KIF20B: variants seen among roughly 807,000 people sequenced by gnomAD.
The protein encoded by KIF20B is kinesin family member 20B.
Under a neutral mutation model 232.5 loss-of-function variants are expected in KIF20B, and 188 were observed. The observed-to-expected ratio is 0.81, with a 90% CI of 0.72 to 0.91. KIF20B has a LOEUF of 0.91. Ranked by LOEUF, KIF20B falls within the 40% of genes least tolerant of loss-of-function variation. The pLI is 0.00. For missense variants in KIF20B, 2,154 were observed against 2,055.9 expected, an observed-to-expected ratio of 1.05 and a Z score of -0.92; for synonymous variants, 712 against 683.0, an observed-to-expected ratio of 1.04 and a Z score of -0.66.
At chr10:89,714,474 CAAA>C (rs199662992) in intron 7 of KIF20B, among the ~76,000 whole-genome samples, 1 of 146,920 alleles carries the variant, frequency 6.8e-6, no homozygotes, top group Non-Finnish European at 1.5e-5. Context: ...GAAACTGTCT[CAAA>C]AAAAAAAATT....
chr10:89,703,247 T>C (rs1391005652), intron 1 of KIF20B, among the ~76,000 whole-genome samples: 1 of 152,308 alleles, frequency 6.6e-6, no homozygotes, highest in East Asian at 1.9e-4. Flanking sequence ...ACCCATGATC[T>C]AGATCAGTGC....
chr10:89,749,888 A>C (rs1044753989), intron 23 of KIF20B, among the ~76,000 whole-genome samples: 25 of 152,310 alleles, frequency 1.6e-4, no homozygotes, highest in Admixed American at 1.6e-3. Flanking sequence ...GATGGTAAGC[A>C]AGTGTTGAAT....
rs1841852734 is a variant in KIF20B, at chr10:89,743,711, T to G, written c.3916-97T>G. ...CATTTTTCTTTTAGGCTGTAAAGGA[T>G]GTGAATCTTTGAACATAGTTGCCAT... On this transcript the variant is annotated intron_variant, in intron 21 of 32. Coordinates refer to ENST00000371728, the MANE Select transcript of KIF20B (RefSeq NM_001284259.2). 6.7e-6 allele frequency: 5 copies of G among 748,106 alleles called. No individual in the cohort carries two copies. The South Asian group carries it at 1.2e-4, about 19-fold the overall frequency. 46.3% of individuals were successfully genotyped at this position (748,106 alleles called of 1,614,324 possible). A position where few individuals can be genotyped will look rare whatever the true frequency, so the allele number is the denominator to read the frequency against.
chr10:89,738,256 A>C lies in KIF20B; in HGVS notation c.3415A>C (p.Ile1139Leu). 1 of 1,609,618 alleles carries C rather than the reference A, an allele frequency of 6.2e-7. No homozygotes were observed. Among genetic ancestry groups the C allele is most frequent in the Non-Finnish European group, 8.5e-7 (1 of 1,178,738 alleles). Reference sequence around the variant, plus strand: ...AAAAAATGTTACTCTTGATGTTCAAATACAGCATGTAGTTGAAGGAAAGAG... The same window carrying C: ...AAAAAATGTTACTCTTGATGTTCAACTACAGCATGTAGTTGAAGGAAAGAG... ...QEKNVTLDVQ[I>L]QHVVEGKRAL... Residue 1139 changes from isoleucine to leucine, a missense_variant, in exon 20 of 33, where the codon ATA becomes CTA. By Grantham distance (5) the Ile-to-Leu change is conservative. Transcript: ENST00000371728.
At chr10:89,711,196 A>G (rs10881632) in intron 6 of KIF20B, 51 bp downstream of exon 6, 238,047 of 1,138,328 alleles carry the variant, frequency 0.21, 25,898 homozygotes, top group South Asian at 0.28. Flanking sequence ...GACTTCTTAT[A>G]AACCCTTTAG....
intron 23 of KIF20B, among the ~76,000 whole-genome samples, chr10:89,746,629 GT>G (rs1213752614): frequency 6.6e-6 from 1 of 152,220 alleles, no homozygotes; most frequent in Non-Finnish European, 1.5e-5. Flanking sequence ...CAACATTTGG[GT>G]GTGAAAACAG....
rs759950855 is a variant in KIF20B, at chr10:89,737,369, A to C, written c.2546-18A>C. ...ATTAAGGTTTGCCAGATTAATAACA[A>C]TTTTCTTATTTTTAAAGGGTCTATC... is the stretch of plus-strand genomic sequence containing the variant. On this transcript the variant is annotated intron_variant, in intron 19 of 32. Coordinates refer to ENST00000371728, the MANE Select transcript of KIF20B (RefSeq NM_001284259.2). 4 of 1,456,722 alleles carry C rather than the reference A, an allele frequency of 2.7e-6. No homozygotes were observed. The highest frequency in any genetic ancestry group is 3.6e-6 in the Non-Finnish European group (4 of 1,106,128). The allele number at this position is 1,456,722 out of a possible 1,614,324, so 90.2% of individuals were successfully genotyped here. A position where few individuals can be genotyped will look rare whatever the true frequency, so the allele number is the denominator to read the frequency against.
At chr10:89,746,024 ATG>A in intron 23 of KIF20B, 65 bp downstream of exon 23, 2 of 1,145,852 alleles carry the variant, frequency 1.7e-6, no homozygotes, top group Non-Finnish European at 2.6e-6. Flanking sequence ...AGGGCATGCG[ATG>A]GGGGTATGAC....
Position 89,734,413 on chromosome 10 carries a change from A to G in KIF20B, c.2545+1357A>G, listed in dbSNP as rs1280307265. ...GCAACAAGAGTGAAACTGTGTCTAA[A>G]AAAATGAAAGTGGTGGTGGGGGGTC... On this transcript the variant is annotated intron_variant, in intron 19 of 32. Coordinates refer to ENST00000371728, the MANE Select transcript of KIF20B (RefSeq NM_001284259.2). Among the ~76,000 whole-genome samples the G allele has an allele frequency of 2.0e-5, 3 of 152,294 alleles. No homozygotes were observed. The East Asian group carries it at 5.8e-4, about 29-fold the overall frequency.
At chr10:89,728,358 G>T (rs553202988) in intron 17 of KIF20B, among the ~76,000 whole-genome samples, 53 of 152,070 alleles carry the variant, frequency 3.5e-4, no homozygotes, top group Non-Finnish European at 6.8e-4. Flanking sequence ...AAACCAACTT[G>T]TTTGGAAGCT....
intron 6 of KIF20B, among the ~76,000 whole-genome samples, chr10:89,713,571 A>G (rs148440277): frequency 1.6e-3 from 251 of 152,232 alleles, no homozygotes; most frequent in East Asian, 5.6e-3. Flanking sequence ...TTAGGTGTAT[A>G]CTCCAAGGAA....
chr10:89,707,950 A>G (rs1202301480), intron 2 of KIF20B, among the ~76,000 whole-genome samples: 2 of 152,156 alleles, frequency 1.3e-5, no homozygotes, highest in African/African-American at 4.8e-5. Context: ...TAATATGGTT[A>G]ATTGCCTGGA....
chr10:89,706,364 AT>A (rs1191962241), intron 2 of KIF20B, among the ~76,000 whole-genome samples: 1 of 152,154 alleles, frequency 6.6e-6, no homozygotes, highest in Non-Finnish European at 1.5e-5. Context: ...CAAATCCTTT[AT>A]CAGATTAATA....
In KIF20B at chr10:89,728,983, C is replaced by G. The variant is rs17126655; in HGVS notation, c.2272-145C>G. 6.8e-3 allele frequency: 3,974 copies of G among 586,400 alleles called. 162 individuals are homozygous for G. Among genetic ancestry groups the G allele is most frequent in the East Asian group, 0.044 (651 of 14,942 alleles). The allele number at this position is 586,400 out of a possible 1,614,324, so 36.3% of individuals were successfully genotyped here. ...TTTTAAAGGCAAAAATAAGATCATG[C>G]TGTGCATAGTGTGTTGCCACTGATT... is the stretch of plus-strand genomic sequence containing the variant. On this transcript the variant is annotated intron_variant, in intron 17 of 32. Coordinates refer to ENST00000371728, the MANE Select transcript of KIF20B (RefSeq NM_001284259.2).
chr10:89,759,408 C>T (rs1842193960), intron 27 of KIF20B, among the ~76,000 whole-genome samples: 1 of 151,980 alleles, frequency 6.6e-6, no homozygotes, highest in African/African-American at 2.4e-5. Flanking sequence ...TAGCTGCTTC[C>T]CAGTAAATAG....
At chr10:89,759,163 A>G (rs560266041) in intron 27 of KIF20B, among the ~76,000 whole-genome samples, 2 of 152,176 alleles carry the variant, frequency 1.3e-5, no homozygotes, top group Non-Finnish European at 2.9e-5. Flanking sequence ...TAATTAGAAA[A>G]TCAACAATTT....
At chr10:89,726,790 A>T (rs10881640) in intron 16 of KIF20B, among the ~76,000 whole-genome samples, 1 of 151,884 alleles carries the variant, frequency 6.6e-6, no homozygotes, top group Non-Finnish European at 1.5e-5. Flanking sequence ...CTTTATGAGT[A>T]AAGCTGTAAA....
At chr10:89,756,094 C>T (rs1288722127) in intron 26 of KIF20B, among the ~76,000 whole-genome samples, 1 of 152,154 alleles carries the variant, frequency 6.6e-6, no homozygotes, top group African/African-American at 2.4e-5. Flanking sequence ...AGAAATCAAG[C>T]CCTTGGTTGA....
Position 89,744,327 on chromosome 10 carries a change from A to AG in KIF20B, c.4035+400_4035+401insG, listed in dbSNP as rs150331203. The stretch of plus-strand genomic sequence containing the variant: ...ATAACCTCAGACTCTTCACGAAAAA[A>AG]CATTAGACAAACCCAAATGGAGGAT... On this transcript the variant is annotated intron_variant, in intron 22 of 32. Coordinates refer to ENST00000371728, the MANE Select transcript of KIF20B (RefSeq NM_001284259.2). Among the ~76,000 whole-genome samples, 312 of 152,246 alleles carry AG rather than the reference A, an allele frequency of 2.0e-3. 1 individual carries two copies. Among genetic ancestry groups the AG allele is most frequent in the Non-Finnish European group, 3.3e-3 (227 of 67,994 alleles).
Sources: gnomAD v4.1 joint callset for allele counts (sites outside exome capture counted in the v4.1 genomes callset) on GRCh38, gnomAD v4.1.1 for gene constraint, MANE v1.5 for transcripts, NCBI Gene and HGNC (gene_info 2026-07-23, HGNC 2026-07-21) for gene names.